DIP2C: variants seen among roughly 807,000 people sequenced by gnomAD.
The protein encoded by DIP2C is disco-interacting protein 2 homolog C.
DIP2C carries 33 observed loss-of-function variants against 192.4 expected under a neutral mutation model. The ratio of observed to expected loss-of-function variants is 0.17; its 90% CI spans 0.13 to 0.23. DIP2C has a LOEUF of 0.23. Among genes scored for constraint, DIP2C ranks in the 10% least tolerant of loss-of-function variants. The probability of loss-of-function intolerance (pLI) is 1.00; values close to 1 mark genes in which losing one functional copy is unlikely to be tolerated. For missense variants in DIP2C, 1,537 were observed against 2,110.1 expected (o/e 0.73, Z 5.32); for synonymous variants, 979 against 864.1 (o/e 1.13, Z -2.33).
intron 31 of DIP2C, among the ~76,000 whole-genome samples, chr10:315,555 G>C (rs897243541): frequency 1.3e-5 from 2 of 152,186 alleles, no homozygotes; most frequent in Non-Finnish European, 2.9e-5. Context: ...TGAGAACTCA[G>C]TGTTGTTTTT....
intron 1 of DIP2C, among the ~76,000 whole-genome samples, chr10:542,198 T>C (rs1195762461): frequency 6.6e-6 from 1 of 152,210 alleles, no homozygotes; most frequent in Non-Finnish European, 1.5e-5. Context: ...CCTGAGCTCC[T>C]TCTGCTCCCT....
chr10:510,788 G>A (rs1845960803), intron 1 of DIP2C, among the ~76,000 whole-genome samples: 1 of 152,198 alleles, frequency 6.6e-6, no homozygotes. Context: ...CAGCATTTGT[G>A]TTTATCTGCT....
intron 1 of DIP2C, among the ~76,000 whole-genome samples, chr10:519,486 A>AC (rs200244817): frequency 9.0e-4 from 137 of 151,918 alleles, no homozygotes; most frequent in East Asian, 1.4e-3. Flanking sequence ...CAGGACCCCC[A>AC]CCTCCCCTCC....
intron 32 of DIP2C, among the ~76,000 whole-genome samples, chr10:303,703 A>C (rs1286260921): frequency 6.6e-6 from 1 of 152,054 alleles, no homozygotes; most frequent in Non-Finnish European, 1.5e-5. Context: ...TTGTATTTTT[A>C]GTAGAGACGG....
chr10:459,343 T>G (rs906462900), intron 3 of DIP2C, among the ~76,000 whole-genome samples: 4 of 143,116 alleles, frequency 2.8e-5, no homozygotes, highest in African/African-American at 1.0e-4. Context: ...TGAGGGTCCC[T>G]GGGCTCTGTT....
chr10:542,689 G>C (rs1038070205), intron 1 of DIP2C, among the ~76,000 whole-genome samples: 11 of 152,012 alleles, frequency 7.2e-5, no homozygotes, highest in African/African-American at 2.7e-4. Context: ...GGGGGGTTCT[G>C]ACCCTGTCCC....
At chr10:600,235 C>CA (rs1288891710) in intron 1 of DIP2C, among the ~76,000 whole-genome samples, 2 of 152,200 alleles carry the variant, frequency 1.3e-5, no homozygotes, top group Non-Finnish European at 2.9e-5. Context: ...CTGGAACCCT[C>CA]AGTGACCAGG....
chr10:285,244 C>A (rs1399513994), intron 34 of DIP2C, among the ~76,000 whole-genome samples: 3 of 151,604 alleles, frequency 2.0e-5, no homozygotes, highest in Admixed American at 2.0e-4. Flanking sequence ...CAGGTGTTCA[C>A]CCACGTGCGT....
At chr10:536,537 G>A (rs1358266838) in intron 1 of DIP2C, among the ~76,000 whole-genome samples, 1 of 152,208 alleles carries the variant, frequency 6.6e-6, no homozygotes, top group Non-Finnish European at 1.5e-5. Flanking sequence ...GCAAAGACCT[G>A]CTCCCAACAG....
At chr10:552,215 T>TA in intron 1 of DIP2C, among the ~76,000 whole-genome samples, 1 of 152,370 alleles carries the variant, frequency 6.6e-6, no homozygotes, top group Admixed American at 6.5e-5. Context: ...ACCTGATGTT[T>TA]AAAAGGAAAG....
intron 2 of DIP2C, among the ~76,000 whole-genome samples, chr10:481,521 C>T (rs532538207): frequency 3.7e-4 from 57 of 152,304 alleles, no homozygotes; most frequent in African/African-American, 1.3e-3. Flanking sequence ...GAGCCAAGTT[C>T]TGAAAAGATA....
intron 1 of DIP2C, among the ~76,000 whole-genome samples, chr10:550,938 T>TCC (rs1200622050): frequency 6.8e-6 from 1 of 147,464 alleles, no homozygotes; most frequent in African/African-American, 2.5e-5. Context: ...GGCCTCGGTC[T>TCC]CCCCTCTGCC....
chr10:614,618 CA>C (rs1379997403), intron 1 of DIP2C, among the ~76,000 whole-genome samples: 1 of 152,262 alleles, frequency 6.6e-6, no homozygotes, highest in Non-Finnish European at 1.5e-5. Flanking sequence ...CAGCCACCTA[CA>C]GCTGCTGAGC....
chr10:574,150 A>C (rs1460711891), intron 1 of DIP2C, among the ~76,000 whole-genome samples: 1 of 152,246 alleles, frequency 6.6e-6, no homozygotes, highest in Non-Finnish European at 1.5e-5. Context: ...GTAAGTTTAA[A>C]GCTTTTTGCA....
rs1857135062 is a variant in DIP2C at position 666,939 on chromosome 10, G to A, written c.85+22555C>T. The stretch of plus-strand genomic sequence containing the variant: ...TCATGTGAAAGAGCCAGGCACCAGG[G>A]AGAGGGCACCCACCCAGTCTCCTAA... On this transcript the variant is annotated intron_variant, in intron 1 of 36. Transcript: ENST00000280886. The surrounding 1 kb of genome is among the most constrained non-coding windows in gnomAD (Gnocchi z 4.1). 6.6e-6 allele frequency: 1 copy of A among 152,394 alleles called. No homozygotes were observed. Among genetic ancestry groups the A allele is most frequent in the Non-Finnish European group, 1.5e-5 (1 of 68,120 alleles). 9.4% of individuals were successfully genotyped at this position (152,394 alleles called of 1,614,324 possible).
intron 1 of DIP2C, among the ~76,000 whole-genome samples, chr10:551,280 G>A (rs149101925): frequency 0.024 from 3,701 of 152,164 alleles, 61 homozygotes; most frequent in Non-Finnish European, 0.038. Flanking sequence ...CCTGGCTGCC[G>A]CCCACCCCGC....
intron 1 of DIP2C, among the ~76,000 whole-genome samples, chr10:598,062 C>T (rs1403013566): frequency 1.3e-5 from 2 of 152,248 alleles, no homozygotes; most frequent in African/African-American, 4.8e-5. Flanking sequence ...ACCGCTGGAC[C>T]TGCAGAGTCA....
At chr10:293,814 A>G (rs1311652818) in intron 32 of DIP2C, among the ~76,000 whole-genome samples, 2 of 152,226 alleles carry the variant, frequency 1.3e-5, no homozygotes, top group African/African-American at 4.8e-5. Context: ...TTATTTCTAC[A>G]GGAGGTCCTC....
At chr10:482,243 A>T (rs541947962) in intron 2 of DIP2C, among the ~76,000 whole-genome samples, 42 of 152,312 alleles carry the variant, frequency 2.8e-4, no homozygotes, top group Non-Finnish European at 4.4e-4. Context: ...AGGAACTGAG[A>T]CAAGTCCGTA....
Sources: allele counts gnomAD v4.1 joint callset (sites outside exome capture counted in the v4.1 genomes callset), GRCh38; gene constraint gnomAD v4.1.1; non-coding constraint Gnocchi (gnomAD v3.1); transcripts MANE v1.5; gene names NCBI Gene and HGNC (gene_info 2026-07-23, HGNC 2026-07-21).